Variants in RALYL observed in about 807,000 individuals in gnomAD.
RALYL encodes the protein RNA-binding Raly-like protein.
A neutral mutation model predicts 35.1 loss-of-function variants in RALYL; 29 were observed. The observed-to-expected ratio is 0.83, with a 90% CI of 0.61 to 1.13. The LOEUF (loss-of-function observed/expected upper bound fraction) is 1.13, where lower values mean the gene tolerates loss of function less well. Among genes scored for constraint, RALYL ranks in the 50% most tolerant of loss-of-function variants. RALYL has a pLI of 0.00. For synonymous variants in RALYL, 120 were observed against 127.6 expected, an observed-to-expected ratio of 0.94 and a Z score of 0.40; for missense variants, 359 against 360.4, an observed-to-expected ratio of 1.00 and a Z score of 0.03.
rs139463874 is a variant in RALYL, at chr8:84,336,823, C to A, written c.-24+152399C>A. Reference sequence around the variant, plus strand: ...CCATCCATTAAGAGGTCCACGACTGCACTGAGTCTATGATGCGCAATGTAG... The same window carrying A: ...CCATCCATTAAGAGGTCCACGACTGAACTGAGTCTATGATGCGCAATGTAG... On this transcript the variant is annotated intron_variant, in intron 1 of 8. Transcript: ENST00000521268. Among the ~76,000 whole-genome samples the A allele has an allele frequency of 7.7e-3, 1,166 of 152,052 alleles. 19 individuals carry two copies. Among genetic ancestry groups the A allele is most frequent in the African/African-American group, 0.027 (1,121 of 41,490 alleles).
chr8:84,620,326 C>T (rs1164761993), intron 2 of RALYL, among the ~76,000 whole-genome samples: 23 of 151,590 alleles, frequency 1.5e-4, no homozygotes, highest in South Asian at 2.1e-4. Context: ...CTTCCCTTCT[C>T]GCTTCATTTC....
chr8:84,911,348 AC>A (rs1847481216), intron 8 of RALYL, among the ~76,000 whole-genome samples: 1 of 152,162 alleles, frequency 6.6e-6, no homozygotes, highest in South Asian at 2.1e-4. Context: ...TCTTTTCATA[AC>A]CCAAACAGAT....
intron 1 of RALYL, among the ~76,000 whole-genome samples, chr8:84,450,898 T>G (rs932074008): frequency 2.6e-4 from 40 of 152,120 alleles, no homozygotes; most frequent in African/African-American, 9.6e-4. Context: ...ATAATAAATC[T>G]TTTCTTTTTA....
intron 1 of RALYL, among the ~76,000 whole-genome samples, chr8:84,513,781 A>G (rs1167707673): frequency 6.6e-6 from 1 of 152,136 alleles, no homozygotes; most frequent in Non-Finnish European, 1.5e-5. Context: ...GTACCTATAA[A>G]TAAACTCCTT....
At chr8:84,828,191 A>G (rs1214212806) in intron 4 of RALYL, among the ~76,000 whole-genome samples, 1 of 152,312 alleles carries the variant, frequency 6.6e-6, no homozygotes, top group East Asian at 1.9e-4. Context: ...TATGCATATG[A>G]TAAGAAACAG....
chr8:84,652,154 T>C (rs959112044), intron 2 of RALYL, among the ~76,000 whole-genome samples: 12 of 152,102 alleles, frequency 7.9e-5, no homozygotes, highest in African/African-American at 2.4e-4. Context: ...CACTGGACTA[T>C]AATTGTAAGA....
At chr8:84,826,254 A>T in intron 4 of RALYL, among the ~76,000 whole-genome samples, 1 of 146,110 alleles carries the variant, frequency 6.8e-6, no homozygotes, top group Admixed American at 7.0e-5. Flanking sequence ...CATACAATGC[A>T]CCCAAGTAAC....
At chr8:84,468,406 T>A (rs909158480) in intron 1 of RALYL, among the ~76,000 whole-genome samples, 6 of 151,500 alleles carry the variant, frequency 4.0e-5, no homozygotes, top group African/African-American at 1.2e-4. Context: ...CTTATGAAGC[T>A]TAGTTTGGCT....
chr8:84,554,602 T>C (rs1244966481), intron 2 of RALYL, among the ~76,000 whole-genome samples: 1 of 152,130 alleles, frequency 6.6e-6, no homozygotes, highest in East Asian at 1.9e-4. Flanking sequence ...CTCAGAGCAC[T>C]CCGTTTCTCC....
chr8:84,470,623 A>T (rs375185504), intron 1 of RALYL, among the ~76,000 whole-genome samples: 1 of 152,170 alleles, frequency 6.6e-6, no homozygotes, highest in African/African-American at 2.4e-5. Flanking sequence ...GCCTATTGTG[A>T]GGTACATCAG....
chr8:84,208,236 G>C (rs971165445), intron 1 of RALYL, among the ~76,000 whole-genome samples: 1 of 152,050 alleles, frequency 6.6e-6, no homozygotes, highest in Admixed American at 6.6e-5. Flanking sequence ...GTTAAAAATC[G>C]TTAGCACAGA....
At chr8:84,657,211 T>A (rs993857450) in intron 2 of RALYL, among the ~76,000 whole-genome samples, 1 of 152,168 alleles carries the variant, frequency 6.6e-6, no homozygotes, top group Non-Finnish European at 1.5e-5. Flanking sequence ...AGGTGTTGGA[T>A]TTTTCTCCAT....
At chr8:84,416,093 T>A (rs560053786) in intron 1 of RALYL, among the ~76,000 whole-genome samples, 1 of 152,342 alleles carries the variant, frequency 6.6e-6, no homozygotes, top group Non-Finnish European at 1.5e-5. Context: ...TCTTACCCAA[T>A]TGACACCCTT....
chr8:84,737,225 G>A (rs537927962), intron 2 of RALYL, among the ~76,000 whole-genome samples: 3 of 152,064 alleles, frequency 2.0e-5, no homozygotes, highest in Admixed American at 1.3e-4. Flanking sequence ...AAAGCTATTA[G>A]CTGTTATTAT....
intron 2 of RALYL, among the ~76,000 whole-genome samples, chr8:84,571,070 C>A (rs948454663): frequency 6.6e-6 from 1 of 151,374 alleles, no homozygotes; most frequent in African/African-American, 2.4e-5. Flanking sequence ...AGGAGTTTTG[C>A]TTCTAGGTTC....
chr8:84,229,268 A>G (rs951325868), intron 1 of RALYL, among the ~76,000 whole-genome samples: 1 of 152,218 alleles, frequency 6.6e-6, no homozygotes, highest in Non-Finnish European at 1.5e-5. Context: ...CTTCTGAGTC[A>G]TAACAGATGC....
At chr8:84,623,518 A>G (rs919128975) in intron 2 of RALYL, among the ~76,000 whole-genome samples, 3 of 152,180 alleles carry the variant, frequency 2.0e-5, no homozygotes, top group African/African-American at 7.2e-5. Flanking sequence ...TTAAATTTAC[A>G]TACTCTTAAT....
chr8:84,499,613 A>G (rs980800739), intron 1 of RALYL, among the ~76,000 whole-genome samples: 1 of 151,964 alleles, frequency 6.6e-6, no homozygotes. Flanking sequence ...CCACCCCAGA[A>G]GTCATGGTGT....
chr8:84,502,908 C>G (rs2056829782), intron 1 of RALYL, among the ~76,000 whole-genome samples: 1 of 130,464 alleles, frequency 7.7e-6, no homozygotes, highest in Non-Finnish European at 1.7e-5. Flanking sequence ...CAAAGACCCA[C>G]TCTTTAAAAA....
Sources: gnomAD v4.1 joint callset for allele counts (sites outside exome capture counted in the v4.1 genomes callset) on GRCh38, gnomAD v4.1.1 for gene constraint, MANE v1.5 for transcripts, NCBI Gene and HGNC (gene_info 2026-07-23, HGNC 2026-07-21) for gene names.